The following AFG2A variants were observed in gnomAD, a reference collection of about 807,000 sequenced individuals.
AFG2A encodes the protein AAA ATPase AFG2A.
At chr4:123,142,328 G>A in the AFG2A span, among the ~76,000 whole-genome samples, 1 of 152,088 alleles carries the variant, frequency 6.6e-6, no homozygotes, top group Non-Finnish European at 1.5e-5. Context: ...TAGATGTAAA[G>A]TCTTTCACAG....
At chr4:123,109,716 A>G in the AFG2A span, among the ~76,000 whole-genome samples, 1 of 152,032 alleles carries the variant, frequency 6.6e-6, no homozygotes, top group African/African-American at 2.4e-5. Context: ...ATTACCACAT[A>G]GTTTACTTAT....
At chr4:122,963,608 G>T in the AFG2A span, among the ~76,000 whole-genome samples, 2 of 152,270 alleles carry the variant, frequency 1.3e-5, no homozygotes, top group South Asian at 2.1e-4. Context: ...GTGGAACTAG[G>T]ATCAACAGTG....
the AFG2A span, among the ~76,000 whole-genome samples, chr4:122,953,679 A>T: frequency 6.6e-6 from 1 of 152,226 alleles, no homozygotes; most frequent in Non-Finnish European, 1.5e-5. Context: ...CCAGAACAGC[A>T]TTAGGCTGTT....
chr4:123,261,750 T>C, the AFG2A span, among the ~76,000 whole-genome samples: 1 of 152,130 alleles, frequency 6.6e-6, no homozygotes, highest in Non-Finnish European at 1.5e-5. Context: ...TTATTTTTGT[T>C]TTCCTTGTTT....
At chr4:123,009,851 T>C in the AFG2A span, among the ~76,000 whole-genome samples, 7 of 152,246 alleles carry the variant, frequency 4.6e-5, no homozygotes, top group Non-Finnish European at 1.0e-4. Context: ...AAAAATCTCC[T>C]GGCCCTTCAG....
the AFG2A span, among the ~76,000 whole-genome samples, chr4:123,173,889 C>T: frequency 6.6e-6 from 1 of 151,582 alleles, no homozygotes; most frequent in Non-Finnish European, 1.5e-5. Context: ...AAGCCTACAA[C>T]AAATATCAAT....
chr4:123,031,236 C>T, the AFG2A span, among the ~76,000 whole-genome samples: 1 of 152,104 alleles, frequency 6.6e-6, no homozygotes, highest in Non-Finnish European at 1.5e-5. Flanking sequence ...ACCGCAGTTC[C>T]CACCTCCCAG....
At chr4:123,010,598 T>A in the AFG2A span, among the ~76,000 whole-genome samples, 2 of 152,204 alleles carry the variant, frequency 1.3e-5, no homozygotes, top group African/African-American at 4.8e-5. Context: ...ACTCTACTTA[T>A]AGCAGCCTGA....
the AFG2A span, among the ~76,000 whole-genome samples, chr4:123,082,385 C>G: frequency 6.6e-6 from 1 of 152,086 alleles, no homozygotes; most frequent in Non-Finnish European, 1.5e-5. Context: ...GTTAAAAGGA[C>G]CATCTTTGCT....
chr4:122,936,625 G>A, the AFG2A span, among the ~76,000 whole-genome samples: 123,302 of 152,140 alleles, frequency 0.81, 51,730 homozygotes, highest in East Asian at 0.96. Context: ...CAGGAGGATT[G>A]CTTGACCCCA....
chr4:123,044,871 G>A, the AFG2A span, among the ~76,000 whole-genome samples: 2 of 151,406 alleles, frequency 1.3e-5, no homozygotes, highest in Non-Finnish European at 2.9e-5. Flanking sequence ...AGCTTATTTA[G>A]TGCACTTTAA....
At chr4:122,923,319 G>T in the AFG2A span, 6 of 1,613,616 alleles carry the variant, frequency 3.7e-6, no homozygotes, top group Non-Finnish European at 5.1e-6. Flanking sequence ...AAGAATTCCG[G>T]GTGGGAGACT....
chr4:122,959,455 CAT>C, the AFG2A span, among the ~76,000 whole-genome samples: 4 of 152,286 alleles, frequency 2.6e-5, no homozygotes, highest in Middle Eastern at 3.4e-3. Flanking sequence ...AGAGTACAGA[CAT>C]GTGTATTTCC....
the AFG2A span, among the ~76,000 whole-genome samples, chr4:123,231,217 A>C: frequency 6.6e-6 from 1 of 152,128 alleles, no homozygotes; most frequent in East Asian, 1.9e-4. Flanking sequence ...TTTCATCTAC[A>C]TTGAATATCT....
chr4:123,001,927 G>C, the AFG2A span, among the ~76,000 whole-genome samples: 1 of 152,174 alleles, frequency 6.6e-6, no homozygotes, highest in Non-Finnish European at 1.5e-5. Flanking sequence ...CATTATTACT[G>C]TGTGGGTGTC....
At chr4:123,171,161 G>A in the AFG2A span, among the ~76,000 whole-genome samples, 3 of 152,152 alleles carry the variant, frequency 2.0e-5, no homozygotes, top group Admixed American at 2.0e-4. Context: ...TCTGGAACAC[G>A]GAAGTAATAC....
chr4:123,103,294 CTG>C, the AFG2A span, among the ~76,000 whole-genome samples: 1 of 151,996 alleles, frequency 6.6e-6, no homozygotes, highest in Admixed American at 6.6e-5. Context: ...GAGTTGAGGA[CTG>C]GGGAGCGGAG....
At chr4:123,204,483 T>G in the AFG2A span, among the ~76,000 whole-genome samples, 25 of 152,382 alleles carry the variant, frequency 1.6e-4, no homozygotes, top group East Asian at 4.6e-3. Context: ...TTTATGTGCT[T>G]CTTTGCCATA....
At chr4:123,173,340 GTTTTTTTTTTTTT>G in the AFG2A span, among the ~76,000 whole-genome samples, 22 of 70,304 alleles carry the variant, frequency 3.1e-4, no homozygotes, top group Admixed American at 1.5e-3. Flanking sequence ...AAGTCCAATG[GTTTTTTTTTTTTT>G]TTTTTTTTTT....
Sources: allele counts gnomAD v4.1 joint callset (sites outside exome capture counted in the v4.1 genomes callset), GRCh38; gene constraint gnomAD v4.1.1; transcripts MANE v1.5; gene names NCBI Gene and HGNC (gene_info 2026-07-23, HGNC 2026-07-21).